The following ERC1 variants were observed in gnomAD, a reference collection of about 807,000 sequenced individuals.
ERC1 encodes RAB6 interacting protein 2.
A neutral mutation model predicts 132.0 loss-of-function variants in ERC1; 56 were observed. The observed-to-expected ratio is 0.42, with a 90% CI of 0.34 to 0.53. The LOEUF is 0.53. Ranked by LOEUF, ERC1 falls within the 20% of genes least tolerant of loss-of-function variation. The pLI, the probability that ERC1 is intolerant of heterozygous loss-of-function variation, is 0.03. For synonymous variants in ERC1, 478 were observed against 476.1 expected, an observed-to-expected ratio of 1.00 and a Z score of -0.05; for missense variants, 1,202 against 1,349.9, an observed-to-expected ratio of 0.89 and a Z score of 1.72.
chr12:994,958 T>G (rs1374469210), intron 1 of ERC1, among the ~76,000 whole-genome samples: 2 of 151,450 alleles, frequency 1.3e-5, no homozygotes, highest in East Asian at 3.9e-4. Context: ...TAGCTGGGGG[T>G]GGTGGCGCGT....
intron 3 of ERC1, among the ~76,000 whole-genome samples, chr12:1,099,095 G>A (rs1387893978): frequency 1.3e-5 from 2 of 152,184 alleles, no homozygotes; most frequent in African/African-American, 2.4e-5. Flanking sequence ...CTTAGAATTC[G>A]TTGGTGGTCT....
intron 15 of ERC1, among the ~76,000 whole-genome samples, chr12:1,338,245 T>C (rs2083477365): frequency 6.6e-6 from 1 of 152,198 alleles, no homozygotes; most frequent in Non-Finnish European, 1.5e-5. Context: ...ATACTCTCTT[T>C]TCTCTATTAT....
At position 1,385,473 on chromosome 12, in the gene ERC1, C is replaced by T. The variant is rs561090154; in HGVS notation, c.2925+13496C>T. Among the ~76,000 whole-genome samples the T allele has an allele frequency of 1.7e-3, 262 of 152,076 alleles. 2 individuals are homozygous for T. Among genetic ancestry groups the T allele is most frequent in the African/African-American group, 6.0e-3 (247 of 41,504 alleles). ...AATTTTCTTGTATTTTTAGTAGAGA[C>T]GGGGGTTTCACCGTGTTAGCCAGGA... On this transcript the variant is annotated intron_variant, in intron 16 of 18. Transcript: ENST00000360905.
intron 15 of ERC1, among the ~76,000 whole-genome samples, chr12:1,331,694 T>G (rs1326574510): frequency 6.6e-6 from 1 of 152,208 alleles, no homozygotes; most frequent in Non-Finnish European, 1.5e-5. Flanking sequence ...AGCCTGTATC[T>G]TCTATAAAGT....
At chr12:1,388,476 C>T (rs1022208924) in intron 16 of ERC1, among the ~76,000 whole-genome samples, 5 of 151,926 alleles carry the variant, frequency 3.3e-5, no homozygotes, top group Non-Finnish European at 7.4e-5. Flanking sequence ...TAGAAGGCTT[C>T]TTATTACCAA....
intron 14 of ERC1, among the ~76,000 whole-genome samples, chr12:1,263,671 TTC>T (rs1423369639): frequency 2.0e-5 from 3 of 152,160 alleles, no homozygotes; most frequent in Admixed American, 2.0e-4. Flanking sequence ...ACATGAACGT[TTC>T]TCTTTTTTTT....
intron 7 of ERC1, among the ~76,000 whole-genome samples, chr12:1,131,526 A>G (rs953077054): frequency 1.4e-4 from 21 of 152,228 alleles, no homozygotes; most frequent in African/African-American, 4.3e-4. Context: ...CAGTGGCACA[A>G]TCTTGGCACA....
intron 15 of ERC1, among the ~76,000 whole-genome samples, chr12:1,329,202 G>T (rs2154357172): frequency 6.9e-6 from 1 of 145,456 alleles, no homozygotes; most frequent in East Asian, 2.1e-4. Flanking sequence ...GCTGAGGCAG[G>T]AGAATCACTT....
chr12:1,310,424 G>A lies in ERC1; in HGVS notation c.2780+20412G>A, dbSNP rs548848604. On this transcript the variant is annotated intron_variant, in intron 15 of 18. Transcript: ENST00000360905. Reference sequence around the variant, plus strand: ...GTGTTTTACCATGTTGGCCAGGCTCGTCTCGAACTCCTGACCTCAGGTGAT... The same window carrying A: ...GTGTTTTACCATGTTGGCCAGGCTCATCTCGAACTCCTGACCTCAGGTGAT... Among the ~76,000 whole-genome samples, 6 of 152,144 alleles carry A rather than the reference G, an allele frequency of 3.9e-5. No homozygotes were observed. The South Asian group carries it at 6.2e-4, about 16-fold the overall frequency.
intron 2 of ERC1, among the ~76,000 whole-genome samples, chr12:1,058,333 C>A (rs1480206112): frequency 1.3e-5 from 2 of 152,122 alleles, no homozygotes; most frequent in South Asian, 4.1e-4. Context: ...TCAGGTCTTA[C>A]ATTTAAGTCT....
At chr12:1,033,533 G>A (rs927620181) in intron 2 of ERC1, among the ~76,000 whole-genome samples, 3 of 151,094 alleles carry the variant, frequency 2.0e-5, no homozygotes, top group Non-Finnish European at 2.9e-5. Flanking sequence ...GCACAATCTC[G>A]GCTTACTGGA....
At chr12:1,149,941 T>A (rs1441056520) in intron 8 of ERC1, among the ~76,000 whole-genome samples, 1 of 152,180 alleles carries the variant, frequency 6.6e-6, no homozygotes, top group Non-Finnish European at 1.5e-5. Flanking sequence ...TAATATTACT[T>A]GAACTAATCT....
chr12:1,030,390 A>G (rs1349569987), intron 2 of ERC1, among the ~76,000 whole-genome samples: 4 of 152,186 alleles, frequency 2.6e-5, no homozygotes, highest in Non-Finnish European at 4.4e-5. Flanking sequence ...GTTTAGGTCA[A>G]TGATGGACCT....
intron 15 of ERC1, among the ~76,000 whole-genome samples, chr12:1,353,561 C>T (rs948650152): frequency 5.3e-5 from 8 of 152,146 alleles, no homozygotes; most frequent in Non-Finnish European, 1.2e-4. Flanking sequence ...AAGAGGTTGT[C>T]AAAGCTGGTA....
At chr12:1,161,559 T>G (rs1012175308) in intron 8 of ERC1, among the ~76,000 whole-genome samples, 4 of 152,224 alleles carry the variant, frequency 2.6e-5, no homozygotes, top group Non-Finnish European at 5.9e-5. Flanking sequence ...TTACAGTGAA[T>G]GTAGTCATCT....
intron 15 of ERC1, among the ~76,000 whole-genome samples, chr12:1,300,068 C>T (rs2080272425): frequency 6.6e-6 from 1 of 152,214 alleles, no homozygotes; most frequent in African/African-American, 2.4e-5. Context: ...TCAAACTATA[C>T]TACAGGACTA....
At chr12:1,308,210 G>GTTA (rs60804477) in intron 15 of ERC1, among the ~76,000 whole-genome samples, 54,207 of 149,998 alleles carry the variant, frequency 0.36, 9,925 homozygotes, top group Middle Eastern at 0.49. Flanking sequence ...TGTTACTATT[G>GTTA]TTATTATTAT....
intron 15 of ERC1, among the ~76,000 whole-genome samples, chr12:1,306,037 CT>C (rs1307091998): frequency 1.3e-5 from 2 of 152,142 alleles, no homozygotes; most frequent in Admixed American, 6.5e-5. Context: ...CTGCTTAAAA[CT>C]TCTGCCTTTA....
At chr12:1,296,449 T>C (rs1594832960) in intron 15 of ERC1, among the ~76,000 whole-genome samples, 1 of 142,422 alleles carries the variant, frequency 7.0e-6, no homozygotes, top group African/African-American at 2.6e-5. Flanking sequence ...GTGTCGCTCT[T>C]GTCCCCCAGG....
Sources: allele counts gnomAD v4.1 joint callset (sites outside exome capture counted in the v4.1 genomes callset), GRCh38; gene constraint gnomAD v4.1.1; transcripts MANE v1.5; gene names NCBI Gene and HGNC (gene_info 2026-07-23, HGNC 2026-07-21).